The following ACTL8 variants were observed in gnomAD, a reference collection of about 807,000 sequenced individuals.
ACTL8 encodes actin-like protein 8.
A neutral mutation model predicts 9.3 loss-of-function variants in ACTL8; 3 were observed. The observed-to-expected ratio is 0.32, with a 90% CI of 0.15 to 0.83. The LOEUF is 0.83. ACTL8 is among the 40% of genes least tolerant of loss of function. The pLI, the probability that ACTL8 is intolerant of heterozygous loss-of-function variation, is 0.57. For synonymous variants in ACTL8, 224 were observed against 205.9 expected, an observed-to-expected ratio of 1.09 and a Z score of -0.75; for missense variants, 381 against 492.2, an observed-to-expected ratio of 0.77 and a Z score of 2.14.
chr1:17,823,323 G>GA lies in ACTL8; in HGVS notation c.316dup (p.Arg106LysfsTer15). The stretch of plus-strand genomic sequence containing the variant: ...CTGTGATCATCACGGAGACACCCTT[G>GA]AGGGAGCCTGCGGACCGAAAGAAGA... On this transcript the variant is annotated frameshift_variant, in exon 2 of 3. Transcript: ENST00000375406. LOFTEE classifies it low-confidence loss of function (END_TRUNC). This position sits in a 1 kb window ranked among gnomAD's most constrained non-coding sequence, Gnocchi z 5.3. 1.2e-6 allele frequency: 2 copies of GA among 1,613,822 alleles called. No homozygotes were observed. Among genetic ancestry groups the GA allele is most frequent in the Non-Finnish European group, 1.7e-6 (2 of 1,179,900 alleles).
chr1:17,806,760 G>A (rs530085218), intron 1 of ACTL8, among the ~76,000 whole-genome samples: 3 of 152,342 alleles, frequency 2.0e-5, no homozygotes, highest in African/African-American at 4.8e-5. Flanking sequence ...AGAGCCCTGC[G>A]ACCTGCTGCG....
intron 1 of ACTL8, among the ~76,000 whole-genome samples, chr1:17,814,232 C>T (rs1202879176): frequency 6.6e-6 from 1 of 152,180 alleles, no homozygotes; most frequent in Non-Finnish European, 1.5e-5. Flanking sequence ...TATGGTGGCT[C>T]ATGCCTGTAT....
At chr1:17,781,104 C>T (rs2066151710) in intron 1 of ACTL8, among the ~76,000 whole-genome samples, 1 of 152,122 alleles carries the variant, frequency 6.6e-6, no homozygotes, top group African/African-American at 2.4e-5. Flanking sequence ...CTTCCTCTTC[C>T]AGCTTCTGGG....
intron 1 of ACTL8, among the ~76,000 whole-genome samples, chr1:17,803,159 G>A (rs963421415): frequency 6.6e-6 from 1 of 152,114 alleles, no homozygotes; most frequent in Non-Finnish European, 1.5e-5. Flanking sequence ...GTAATAGTGA[G>A]TGAGTTCTTA....
intron 1 of ACTL8, among the ~76,000 whole-genome samples, chr1:17,770,856 C>T (rs139569207): frequency 3.3e-5 from 5 of 152,076 alleles, no homozygotes; most frequent in Non-Finnish European, 7.4e-5. Flanking sequence ...TGGGCTCTGA[C>T]CGGGAAGAAT....
intron 1 of ACTL8, among the ~76,000 whole-genome samples, chr1:17,781,344 G>T (rs1169889261): frequency 6.6e-6 from 1 of 151,496 alleles, no homozygotes; most frequent in Non-Finnish European, 1.5e-5. Context: ...AGGTTCAAGC[G>T]ATTCTCCTTC....
chr1:17,825,742 C>G, intron 2 of ACTL8, 25 bp from the exon 3 acceptor site: 3 of 1,601,284 alleles, frequency 1.9e-6, no homozygotes, highest in Non-Finnish European at 2.6e-6. Flanking sequence ...GGGAAATGCA[C>G]TGAGTGAATT....
chr1:17,800,996 C>G (rs2066318302), intron 1 of ACTL8, among the ~76,000 whole-genome samples: 2 of 152,160 alleles, frequency 1.3e-5, no homozygotes, highest in Non-Finnish European at 2.9e-5. Flanking sequence ...AGGAAATTCT[C>G]TTCAATTCCT....
rs765836407 is a variant in ACTL8 at position 17,826,286 on chromosome 1, C to T, written c.868C>T (p.Leu290=). Reference sequence around the variant, plus strand: ...GTCCTGCGAGATCTCCCTGCGCCCCCTGCTGGTCTCCCACGTGATGGCCTG... The same window carrying T: ...GTCCTGCGAGATCTCCCTGCGCCCCTTGCTGGTCTCCCACGTGATGGCCTG... The part of the protein sequence containing the change: ...VESCEISLRP[L]LVSHVMACGG... The change falls in exon 3 of 3, where the codon CTG becomes TTG. Residue 290 remains leucine, a synonymous_variant. Transcript: ENST00000375406. The surrounding 1 kb of genome is among the most constrained non-coding windows in gnomAD (Gnocchi z 4.5). 1.2e-6 allele frequency: 2 copies of T among 1,610,882 alleles called. No homozygotes were observed. The highest frequency in any genetic ancestry group is 1.7e-4 in the Middle Eastern group (1 of 6,048).
intron 1 of ACTL8, among the ~76,000 whole-genome samples, chr1:17,795,422 G>T (rs547219700): frequency 1.3e-5 from 2 of 152,212 alleles, no homozygotes; most frequent in Non-Finnish European, 1.5e-5. Flanking sequence ...TGCCTTGCAG[G>T]GTTCGTGTGA....
intron 1 of ACTL8, among the ~76,000 whole-genome samples, chr1:17,762,061 T>G (rs2066010074): frequency 6.6e-6 from 1 of 151,894 alleles, no homozygotes; most frequent in African/African-American, 2.4e-5. Flanking sequence ...AACCTTCACC[T>G]TACTCAAGAT....
intron 2 of ACTL8, among the ~76,000 whole-genome samples, chr1:17,824,968 C>T (rs1309467600): frequency 6.6e-6 from 1 of 151,604 alleles, no homozygotes; most frequent in African/African-American, 2.4e-5. Context: ...CTTGTGGGGG[C>T]TTGAAGAGGT....
intron 1 of ACTL8, among the ~76,000 whole-genome samples, chr1:17,755,812 TG>T (rs1025699722): frequency 1.3e-5 from 2 of 151,296 alleles, no homozygotes; most frequent in African/African-American, 4.9e-5. Flanking sequence ...TAGCCCCTTG[TG>T]GGGGCACCGC....
intron 1 of ACTL8, among the ~76,000 whole-genome samples, chr1:17,788,038 C>T (rs913139755): frequency 1.3e-5 from 2 of 152,210 alleles, no homozygotes; most frequent in Non-Finnish European, 2.9e-5. Flanking sequence ...GCCCTTTGGC[C>T]GTGCTCTTGT....
rs200838367 is a variant in ACTL8, at chr1:17,803,153, TAGTG to T, written c.-24-19824_-24-19821del. ...GGTTACCCCCATGCTATTCTCGTAA[TAGTG>T]AGTGAGTTCTTACAAGATCTGATTG... On this transcript the variant is annotated intron_variant, in intron 1 of 2. Transcript: ENST00000375406. 5.8e-3 allele frequency among the ~76,000 whole-genome samples: 876 copies of T among 152,158 alleles called. 6 individuals are homozygous for T. Among genetic ancestry groups the T allele is most frequent in the African/African-American group, 0.02 (830 of 41,492 alleles).
chr1:17,807,528 C>G (rs1425038383), intron 1 of ACTL8, among the ~76,000 whole-genome samples: 1 of 152,136 alleles, frequency 6.6e-6, no homozygotes, highest in Non-Finnish European at 1.5e-5. Flanking sequence ...TGGATCATAG[C>G]AAGTATGCCG....
chr1:17,765,004 A>G (rs533923998), intron 1 of ACTL8, among the ~76,000 whole-genome samples: 1 of 152,348 alleles, frequency 6.6e-6, no homozygotes, highest in South Asian at 2.1e-4. Context: ...ATGATGCACA[A>G]GTCCCAGGTG....
Position 17,767,300 on chromosome 1 carries a change from C to T in ACTL8, c.-25+11796C>T, listed in dbSNP as rs995874457. 1.3e-5 allele frequency among the ~76,000 whole-genome samples: 2 copies of T among 151,870 alleles called. No individual in the cohort carries two copies. Among genetic ancestry groups the T allele is most frequent in the Non-Finnish European group, 2.9e-5 (2 of 67,966 alleles). On this transcript the variant is annotated intron_variant, in intron 1 of 2. Transcript: ENST00000375406. This position sits in a 1 kb window ranked among gnomAD's most constrained non-coding sequence, Gnocchi z 4.7. ...TGGGGTTGCATCGGATGATAGGATC[C>T]GACTTCGCTGCTGGAGACAGAGCCG...
intron 1 of ACTL8, among the ~76,000 whole-genome samples, chr1:17,764,080 CGGTGGG>C (rs939283483): frequency 2.2e-5 from 3 of 138,064 alleles, no homozygotes; most frequent in African/African-American, 5.4e-5. Context: ...CGGGAAACCC[CGGTGGG>C]GGTGGGGGTG....
Sources: gnomAD v4.1 joint callset for allele counts (sites outside exome capture counted in the v4.1 genomes callset) on GRCh38, gnomAD v4.1.1 for gene constraint, Gnocchi (gnomAD v3.1) non-coding constraint, MANE v1.5 for transcripts, NCBI Gene and HGNC (gene_info 2026-07-23, HGNC 2026-07-21) for gene names.